The following CEP112 variants were observed in gnomAD, a reference collection of about 807,000 sequenced individuals.
CEP112 encodes the protein centrosomal protein of 112 kDa.
Under a neutral mutation model 153.0 loss-of-function variants are expected in CEP112, and 127 were observed. The ratio of observed to expected loss-of-function variants is 0.83; its 90% CI spans 0.72 to 0.96. The LOEUF is 0.96. Among genes scored for constraint, CEP112 ranks in the 40% least tolerant of loss-of-function variants. CEP112 has a pLI of 0.00. For synonymous variants in CEP112, 358 were observed against 374.4 expected, an observed-to-expected ratio of 0.96 and a Z score of 0.51; for missense variants, 1,089 against 1,101.2, an observed-to-expected ratio of 0.99 and a Z score of 0.16.
At chr17:65,971,659 T>C (rs549161345) in intron 17 of CEP112, among the ~76,000 whole-genome samples, 215 of 122,280 alleles carry the variant, frequency 1.8e-3, no homozygotes, top group Middle Eastern at 8.1e-3. Flanking sequence ...GCATGTCACA[T>C]GCATGTATGT....
chr17:65,975,319 T>C (rs184944495), intron 17 of CEP112, among the ~76,000 whole-genome samples: 10 of 152,290 alleles, frequency 6.6e-5, no homozygotes, highest in African/African-American at 2.4e-4. Context: ...ACTGTTGAAT[T>C]TGACTAGAAA....
chr17:65,827,951 G>A (rs560563195), intron 21 of CEP112, among the ~76,000 whole-genome samples: 5 of 152,146 alleles, frequency 3.3e-5, no homozygotes, highest in African/African-American at 7.2e-5. Flanking sequence ...CCTGGTACTC[G>A]AGAGTCTCCC....
intron 21 of CEP112, among the ~76,000 whole-genome samples, chr17:65,836,882 C>T (rs921228645): frequency 3.4e-5 from 5 of 146,542 alleles, no homozygotes; most frequent in Admixed American, 6.8e-5. Context: ...GCCGCCATCT[C>T]GGCTCACTGC....
At chr17:65,747,657 A>T (rs2051556694) in intron 22 of CEP112, among the ~76,000 whole-genome samples, 1 of 151,374 alleles carries the variant, frequency 6.6e-6, no homozygotes, top group Non-Finnish European at 1.5e-5. Context: ...TTCTTAAGAT[A>T]AAAAAAAATG....
chr17:66,122,271 CTTTG>C (rs1376249681), intron 6 of CEP112, among the ~76,000 whole-genome samples: 5 of 151,974 alleles, frequency 3.3e-5, no homozygotes, highest in East Asian at 3.9e-4. Context: ...ATTTTGAAGT[CTTTG>C]TTTGTTAAAT....
chr17:65,643,146 C>T (rs574547784), intron 24 of CEP112, among the ~76,000 whole-genome samples: 3 of 152,114 alleles, frequency 2.0e-5, no homozygotes, highest in East Asian at 3.9e-4. Flanking sequence ...TGAAGGAGTC[C>T]CAAGAGGGGC....
At chr17:66,111,705 T>C (rs1481249484) in intron 6 of CEP112, among the ~76,000 whole-genome samples, 3 of 151,822 alleles carry the variant, frequency 2.0e-5, no homozygotes, top group Non-Finnish European at 4.4e-5. Context: ...TGGAGTCTAC[T>C]TGAGAGGGGA....
intron 11 of CEP112, among the ~76,000 whole-genome samples, chr17:66,055,893 T>C (rs1471885349): frequency 6.6e-6 from 1 of 152,196 alleles, no homozygotes; most frequent in Non-Finnish European, 1.5e-5. Context: ...AATGTATTCA[T>C]TCAACAAATT....
At chr17:65,997,799 C>CACACA (rs1252367876) in intron 17 of CEP112, among the ~76,000 whole-genome samples, 7 of 143,812 alleles carry the variant, frequency 4.9e-5, no homozygotes, top group South Asian at 2.3e-4. Context: ...ATCCCCCCCC[C>CACACA]CACACACACA....
intron 1 of CEP112, among the ~76,000 whole-genome samples, chr17:66,188,910 T>C (rs2146955255): frequency 6.6e-6 from 1 of 152,296 alleles, no homozygotes; most frequent in South Asian, 2.1e-4. Flanking sequence ...CTAGATGTAC[T>C]CCGGGGCTTA....
intron 8 of CEP112, among the ~76,000 whole-genome samples, chr17:66,079,544 A>G (rs185630762): frequency 2.5e-4 from 38 of 152,338 alleles, no homozygotes; most frequent in Admixed American, 1.6e-3. Context: ...ATGCTCATGG[A>G]TAGGAAGAAT....
In CEP112 at chr17:65,656,282, G is replaced by A. The variant is rs138725254; in HGVS notation, c.2698-15217C>T. On this transcript the variant is annotated intron_variant, in intron 24 of 26. Transcript: ENST00000535342. ...ACCACAGAGTAAGAAGTGAACTGAG[G>A]GTTTTGGCAATCCAGGGGAAGAATT... 1.1e-3 allele frequency among the ~76,000 whole-genome samples: 174 copies of A among 152,248 alleles called. 1 individual carries two copies. In the South Asian group the frequency reaches 0.014, roughly 12 times the overall value.
At chr17:65,681,233 CT>C in intron 24 of CEP112, among the ~76,000 whole-genome samples, 1 of 152,254 alleles carries the variant, frequency 6.6e-6, no homozygotes, top group Admixed American at 6.5e-5. Context: ...AGGAAATTCT[CT>C]TTGGTTTTCC....
intron 24 of CEP112, among the ~76,000 whole-genome samples, chr17:65,662,225 C>T (rs1432966741): frequency 6.6e-6 from 1 of 152,126 alleles, no homozygotes; most frequent in Non-Finnish European, 1.5e-5. Context: ...CTTAGACATA[C>T]ATGAAAGGAC....
At chr17:65,971,128 A>G (rs1420562051) in intron 17 of CEP112, among the ~76,000 whole-genome samples, 1 of 152,152 alleles carries the variant, frequency 6.6e-6, no homozygotes, top group Non-Finnish European at 1.5e-5. Context: ...CGTGTATGAG[A>G]TTTATATTGC....
Position 65,902,179 on chromosome 17 carries a change from A to G in CEP112, c.2136T>C (p.Ile712=). The G allele has an allele frequency of 6.2e-7, 1 of 1,613,438 alleles. No individual in the cohort carries two copies. Among genetic ancestry groups the G allele is most frequent in the East Asian group, 2.2e-5 (1 of 44,866 alleles). The change falls in exon 20 of 27, where the codon ATT becomes ATC. Residue 712 remains isoleucine, a synonymous_variant. Transcript: ENST00000535342. ...RAANMEHENQ[I]QEFKKRDAQV... is the part of the protein sequence containing the mutation. ...GTGCATCTCGTTTCTTGAACTCCTG[A>G]ATTTGATTTTCGTGCTCCATATTGG...
chr17:65,660,337 T>C (rs2046300445), intron 24 of CEP112, among the ~76,000 whole-genome samples: 1 of 94,990 alleles, frequency 1.1e-5, no homozygotes, highest in Non-Finnish European at 2.1e-5. Flanking sequence ...TCTCTTTCTT[T>C]CTTTTTCTCT....
intron 19 of CEP112, among the ~76,000 whole-genome samples, chr17:65,907,581 G>T (rs1306185905): frequency 2.6e-5 from 4 of 152,140 alleles, no homozygotes; most frequent in Non-Finnish European, 5.9e-5. Context: ...GATGTCATGA[G>T]CCCTTTCTGG....
At chr17:66,052,237 G>A (rs1568434018) in intron 12 of CEP112, among the ~76,000 whole-genome samples, 1 of 152,116 alleles carries the variant, frequency 6.6e-6, no homozygotes, top group Non-Finnish European at 1.5e-5. Flanking sequence ...AGTAAATTGA[G>A]GAGCATCTGG....
Sources: gnomAD v4.1 joint callset for allele counts (sites outside exome capture counted in the v4.1 genomes callset) on GRCh38, gnomAD v4.1.1 for gene constraint, MANE v1.5 for transcripts, NCBI Gene and HGNC (gene_info 2026-07-23, HGNC 2026-07-21) for gene names.